The following CCDC3 variants were observed in gnomAD, a reference collection of about 807,000 sequenced individuals.
CCDC3 encodes the protein coiled-coil domain-containing protein 3.
Under a neutral mutation model 21.4 loss-of-function variants are expected in CCDC3, and 24 were observed. The observed-to-expected ratio is 1.12, with a 90% confidence interval of 0.81 to 1.58. CCDC3 has a LOEUF of 1.58. Among genes scored for constraint, CCDC3 ranks in the 40% most tolerant of loss-of-function variants. CCDC3 has a pLI of 0.00. For missense variants in CCDC3, 425 were observed against 360.9 expected, an observed-to-expected ratio of 1.18 and a Z score of -1.44; for synonymous variants, 186 against 166.0, an observed-to-expected ratio of 1.12 and a Z score of -0.93.
Position 13,001,232 on chromosome 10 carries a change from G to C in CCDC3, c.339C>G (p.Thr113=). The C allele has an allele frequency of 4.4e-6, 7 of 1,576,864 alleles. No homozygotes were observed. The highest frequency in any genetic ancestry group is 6.0e-6 in the Non-Finnish European group (7 of 1,161,738). The change falls in exon 1 of 3, where the codon ACC becomes ACG. Residue 113 remains threonine (T), a synonymous_variant. Coordinates refer to ENST00000378825, the MANE Select transcript of CCDC3 (RefSeq NM_031455.4). ...GLGYFSCHSH[T]VVQDYSYFFF... is the part of the protein sequence containing the mutation. ...AGAAATAGGAGTAGTCCTGGACCAC[G>C]GTGTGGGAGTGGCACGAGAAGTAGC... is the stretch of plus-strand genomic sequence containing the variant.
intron 5 of CCDC3, among the ~76,000 whole-genome samples, chr10:13,043,289 GCAAAGA>G (rs1365076651): frequency 1.3e-5 from 2 of 152,080 alleles, no homozygotes; most frequent in Admixed American, 6.6e-5. Flanking sequence ...AAAGATGAAA[GCAAAGA>G]CAAAGACAAA....
intron 5 of CCDC3, among the ~76,000 whole-genome samples, chr10:13,049,147 T>A (rs1353577100): frequency 6.6e-6 from 1 of 152,298 alleles, no homozygotes; most frequent in East Asian, 1.9e-4. Context: ...CCTTCCCTTT[T>A]CATCAAGAAG....
rs578183825 is a variant in CCDC3, at chr10:13,025,702, T to C, written c.-2+23972A>G. On this transcript the variant is annotated intron_variant, in intron 5 of 6. Transcript: ENST00000378839. ...TTTCCTACTATCAATTATCCTCAGA[T>C]ATAAAGAGGTCTTCTTGTATTTTGT... Among the ~76,000 whole-genome samples, 7 of 152,364 alleles carry C rather than the reference T, an allele frequency of 4.6e-5. No individual in the cohort carries two copies. The South Asian group carries it at 1.5e-3, about 32-fold the overall frequency.
chr10:12,923,807 A>AGC (rs2131219320), intron 2 of CCDC3, among the ~76,000 whole-genome samples: 1 of 152,232 alleles, frequency 6.6e-6, no homozygotes, highest in South Asian at 2.1e-4. Context: ...TACACTTTAC[A>AGC]AGTCAATAGT....
intron 2 of CCDC3, among the ~76,000 whole-genome samples, chr10:12,946,466 C>A (rs1834917942): frequency 6.6e-6 from 1 of 152,130 alleles, no homozygotes. Context: ...CAGGTCTCAG[C>A]AAATCCTAGG....
intron 5 of CCDC3, among the ~76,000 whole-genome samples, chr10:13,029,929 C>T (rs950689851): frequency 6.6e-6 from 1 of 152,150 alleles, no homozygotes; most frequent in Non-Finnish European, 1.5e-5. Context: ...AGGATATTAT[C>T]CAGGAGAACT....
At chr10:12,918,836 G>A (rs948680063) in intron 2 of CCDC3, among the ~76,000 whole-genome samples, 11 of 152,060 alleles carry the variant, frequency 7.2e-5, no homozygotes, top group East Asian at 1.9e-4. Context: ...GGTGGATCAC[G>A]AGGTCAGGAG....
At chr10:13,035,239 C>A (rs774909689) in intron 5 of CCDC3, among the ~76,000 whole-genome samples, 1 of 151,984 alleles carries the variant, frequency 6.6e-6, no homozygotes, top group African/African-American at 2.4e-5. Flanking sequence ...CCTGTTTTTG[C>A]TCTAGCGTGT....
intron 2 of CCDC3, among the ~76,000 whole-genome samples, chr10:12,937,366 T>C (rs914343083): frequency 2.0e-5 from 3 of 152,164 alleles, no homozygotes; most frequent in Non-Finnish European, 4.4e-5. Flanking sequence ...TTAGTATGTG[T>C]GCGGTTATCA....
intron 4 of CCDC3, chr10:13,058,075 G>A: frequency 2.6e-6 from 2 of 756,750 alleles, no homozygotes; most frequent in Non-Finnish European, 4.8e-6. Context: ...CAACATTCTG[G>A]CCCCTGATGT....
Position 13,001,646 on chromosome 10 carries a change from G to A in CCDC3, c.-76C>T, listed in dbSNP as rs1835857822. On this transcript the variant is annotated 5_prime_UTR_variant, in exon 1 of 3. Transcript: ENST00000378825. ...CGCCGGCCCGGGAAGGGCAGCCCTG[G>A]GCGCTCGGCTGCTCGGGCCGCTCCC... The A allele has an allele frequency of 2.0e-6, 2 of 986,544 alleles. No individual in the cohort carries two copies. The highest frequency in any genetic ancestry group is 4.8e-5 in the South Asian group (1 of 20,770). 61.1% of individuals were successfully genotyped at this position (986,544 alleles called of 1,614,324 possible). A position where few individuals can be genotyped will look rare whatever the true frequency, so the allele number is the denominator to read the frequency against.
chr10:13,000,889 T>C (rs978345357), intron 1 of CCDC3, among the ~76,000 whole-genome samples: 1 of 152,102 alleles, frequency 6.6e-6, no homozygotes, highest in Non-Finnish European at 1.5e-5. Context: ...TGAGGCCAGT[T>C]TAAAAACCCA....
At chr10:13,077,681 AC>A (rs933820765) in intron 3 of CCDC3, among the ~76,000 whole-genome samples, 2 of 152,296 alleles carry the variant, frequency 1.3e-5, no homozygotes, top group African/African-American at 2.4e-5. Flanking sequence ...ATGGAACACA[AC>A]AGAGCCCTCA....
chr10:13,058,244 T>C (rs1228798544), intron 4 of CCDC3: 1 of 1,352,998 alleles, frequency 7.4e-7, no homozygotes, highest in Non-Finnish European at 1.0e-6. Context: ...TGCATCCAAA[T>C]AGCAGGTAAA....
chr10:12,913,557 T>G (rs1834302445), intron 2 of CCDC3, among the ~76,000 whole-genome samples: 1 of 152,262 alleles, frequency 6.6e-6, no homozygotes, highest in South Asian at 2.1e-4. Context: ...CCTTTCCAAT[T>G]TGGATGCCCT....
At chr10:12,906,836 G>A (rs975575980) in intron 2 of CCDC3, among the ~76,000 whole-genome samples, 10 of 152,158 alleles carry the variant, frequency 6.6e-5, no homozygotes, top group African/African-American at 1.9e-4. Context: ...ATTGTCGTTC[G>A]CCCGAGCTTG....
chr10:12,923,512 T>TGG (rs1834486642), intron 2 of CCDC3, among the ~76,000 whole-genome samples: 2 of 151,692 alleles, frequency 1.3e-5, no homozygotes, highest in African/African-American at 4.8e-5. Context: ...GTCCCCTGAC[T>TGG]GCCTGAAACC....
chr10:13,048,615 G>A (rs1836563526), intron 5 of CCDC3, among the ~76,000 whole-genome samples: 1 of 152,108 alleles, frequency 6.6e-6, no homozygotes, highest in Non-Finnish European at 1.5e-5. Context: ...ATAATTGGGA[G>A]GTTTCTATGA....
At chr10:13,039,820 G>A (rs1836426395) in intron 5 of CCDC3, among the ~76,000 whole-genome samples, 1 of 151,764 alleles carries the variant, frequency 6.6e-6, no homozygotes, top group South Asian at 2.1e-4. Context: ...AAATGCGGGA[G>A]AGGTGGGTTC....
Sources: gnomAD v4.1 joint callset for allele counts (sites outside exome capture counted in the v4.1 genomes callset) on GRCh38, gnomAD v4.1.1 for gene constraint, MANE v1.5 for transcripts, NCBI Gene and HGNC (gene_info 2026-07-23, HGNC 2026-07-21) for gene names.